GEMIN2: variants seen among roughly 807,000 people sequenced by gnomAD.
GEMIN2 encodes the protein gem-associated protein 2.
In GEMIN2, 37 loss-of-function variants were observed where a neutral mutation model predicts 45.8. That is an observed-to-expected ratio of 0.81 (90% confidence interval 0.62 to 1.06). The LOEUF is 1.06. GEMIN2 is among the 50% of genes least tolerant of loss of function. The pLI is 0.00. For synonymous variants in GEMIN2, 101 were observed against 111.5 expected, an observed-to-expected ratio of 0.91 and a Z score of 0.60; for missense variants, 335 against 321.8, an observed-to-expected ratio of 1.04 and a Z score of -0.31.
intron 6 of GEMIN2, among the ~76,000 whole-genome samples, chr14:39,127,383 C>A (rs1470504756): frequency 1.6e-4 from 19 of 119,716 alleles, no homozygotes; most frequent in African/African-American, 6.0e-4. Flanking sequence ...CACTCTGTTG[C>A]CCAGGCTGGA....
Position 39,118,780 on chromosome 14 carries a change from AT to A in GEMIN2, c.372+201del, listed in dbSNP as rs373341724. ...TGGAAAGTATAGATTTTCATGACAA[AT>A]TTTTTTTTTTTTTTTTTTTGAGACA... is the stretch of plus-strand genomic sequence containing the variant. On this transcript the variant is annotated intron_variant, in intron 4 of 9. Coordinates refer to ENST00000308317, the MANE Select transcript of GEMIN2 (RefSeq NM_003616.3). Among the ~76,000 whole-genome samples the A allele has an allele frequency of 3.5e-3, 488 of 138,698 alleles. 1 individual carries two copies. Among genetic ancestry groups the A allele is most frequent in the Middle Eastern group, 7.4e-3 (2 of 272 alleles). The allele number at this position is 138,698 out of a possible 152,430, so 91.0% of individuals were successfully genotyped here. A position where few individuals can be genotyped will look rare whatever the true frequency, so the allele number is the denominator to read the frequency against.
chr14:39,119,880 C>G (rs1445037847), intron 4 of GEMIN2, among the ~76,000 whole-genome samples: 1 of 152,200 alleles, frequency 6.6e-6, no homozygotes, highest in East Asian at 1.9e-4. Flanking sequence ...CATAAACACA[C>G]AAAAGGTATG....
chr14:39,123,834 C>G (rs1219302498), intron 5 of GEMIN2, among the ~76,000 whole-genome samples: 7 of 148,370 alleles, frequency 4.7e-5, no homozygotes. Flanking sequence ...AATCCTCCCA[C>G]GTCAGCCTTC....
Position 39,114,475 on chromosome 14 carries a change from A to G in GEMIN2, c.137A>G (p.Gln46Arg). ...CCTCAGGAATACCTGAGGCGGGTCC[A>G]GTGAGTGATTCGGCCCTGGGCGGGT... ...RTPQEYLRRV[Q>R]IEAAQCPDVV... Residue 46 changes from glutamine (Q) to arginine (R), a missense_variant and splice_region_variant, in exon 1 of 10, where the codon CAG becomes CGG. Gln to Arg is a conservative substitution (Grantham distance 43). Coordinates refer to ENST00000308317, the MANE Select transcript of GEMIN2 (RefSeq NM_003616.3). 1 of 1,611,052 alleles carries G rather than the reference A, an allele frequency of 6.2e-7. No individual in the cohort carries two copies. Among genetic ancestry groups the G allele is most frequent in the East Asian group, 2.2e-5 (1 of 44,828 alleles).
chr14:39,128,067 CAAAAAAA>C (rs1212260025), intron 6 of GEMIN2, among the ~76,000 whole-genome samples: 2 of 10,552 alleles, frequency 1.9e-4, no homozygotes, highest in Non-Finnish European at 6.5e-4. Context: ...GACTCTATCT[CAAAAAAA>C]AAAAAAAAAA....
intron 6 of GEMIN2, among the ~76,000 whole-genome samples, chr14:39,125,437 T>C (rs180960163): frequency 6.6e-6 from 1 of 152,212 alleles, no homozygotes; most frequent in Admixed American, 6.5e-5. Context: ...AATGGTTCAG[T>C]TTAGGATTCC....
intron 8 of GEMIN2, among the ~76,000 whole-genome samples, chr14:39,132,659 T>C (rs1346161804): frequency 6.9e-6 from 1 of 144,736 alleles, no homozygotes; most frequent in Non-Finnish European, 1.5e-5. Context: ...TGCTGTAGCT[T>C]CAGCCTTTTT....
intron 8 of GEMIN2, among the ~76,000 whole-genome samples, chr14:39,133,231 ATATT>A (rs546477020): frequency 6.1e-4 from 90 of 146,958 alleles, no homozygotes; most frequent in African/African-American, 1.9e-3. Context: ...AGTGATAAAT[ATATT>A]TATTCATATA....
rs1316320671 is a variant in GEMIN2, at chr14:39,133,185, T to TAG, written c.712-475_712-474insGA. The stretch of plus-strand genomic sequence containing the variant: ...ATCCTCACATATATTGTATGCATTA[T>TAG]ATAGAGGAACAATAAGAATCCTGTG... On this transcript the variant is annotated intron_variant, in intron 8 of 9. Coordinates refer to ENST00000308317, the MANE Select transcript of GEMIN2 (RefSeq NM_003616.3). 2.3e-3 allele frequency among the ~76,000 whole-genome samples: 111 copies of TAG among 47,732 alleles called. 1 individual carries two copies. Among genetic ancestry groups the TAG allele is most frequent in the Middle Eastern group, 0.027 (2 of 74 alleles). The allele number at this position is 47,732 out of a possible 152,430, so 31.3% of individuals were successfully genotyped here.
intron 4 of GEMIN2, among the ~76,000 whole-genome samples, chr14:39,121,262 T>C (rs2052569330): frequency 6.6e-6 from 1 of 152,230 alleles, no homozygotes; most frequent in African/African-American, 2.4e-5. Flanking sequence ...CTGGGCACAG[T>C]GGCTCACACT....
rs1164199057 is a variant in GEMIN2 at position 39,115,044 on chromosome 14, T to G, written c.222+131T>G. The stretch of plus-strand genomic sequence containing the variant: ...ACTCCGTGCAAAGTTAGACATTCGC[T>G]TGTACTTTTTCCTTCAGAAAGACAA... On this transcript the variant is annotated intron_variant, in intron 2 of 9. Coordinates refer to ENST00000308317, the MANE Select transcript of GEMIN2 (RefSeq NM_003616.3). 4 of 624,758 alleles carry G rather than the reference T, an allele frequency of 6.4e-6. No homozygotes were observed. The Admixed American group carries it at 1.2e-4, about 18-fold the overall frequency. 38.7% of individuals were successfully genotyped at this position (624,758 alleles called of 1,614,324 possible). A position where few individuals can be genotyped will look rare whatever the true frequency, so the allele number is the denominator to read the frequency against.
chr14:39,114,371 A>G lies in GEMIN2; in HGVS notation c.33A>G (p.Glu11=), dbSNP rs1317804797. ...GGGTACCAGCGGAGTCCGCAGTGGAAGAGTTGATGCCTCGGCTATTGCCGG... is the reference window on the plus strand; with the variant it reads ...GGGTACCAGCGGAGTCCGCAGTGGAGGAGTTGATGCCTCGGCTATTGCCGG... MAWVPAESAV[E]ELMPRLLPVE... is the part of the protein sequence containing the mutation. The change falls in exon 1 of 10, where the codon GAA becomes GAG. Residue 11 remains glutamate, a synonymous_variant. Coordinates refer to ENST00000308317, the MANE Select transcript of GEMIN2 (RefSeq NM_003616.3). 2 of 1,613,752 alleles carry G rather than the reference A, an allele frequency of 1.2e-6. No individual in the cohort carries two copies. Among genetic ancestry groups the G allele is most frequent in the Non-Finnish European group, 1.7e-6 (2 of 1,179,602 alleles).
intron 7 of GEMIN2, among the ~76,000 whole-genome samples, chr14:39,130,894 C>CG (rs892632174): frequency 7.1e-6 from 1 of 140,524 alleles, no homozygotes; most frequent in Non-Finnish European, 1.5e-5. Flanking sequence ...GACTCCATCT[C>CG]GAAAAAAAAA....
At chr14:39,119,783 G>A (rs2052553629) in intron 4 of GEMIN2, among the ~76,000 whole-genome samples, 1 of 152,236 alleles carries the variant, frequency 6.6e-6, no homozygotes, top group Non-Finnish European at 1.5e-5. Flanking sequence ...TCCAGGAAAA[G>A]CGTGAAGGGA....
intron 3 of GEMIN2, among the ~76,000 whole-genome samples, chr14:39,118,310 A>T (rs1228424197): frequency 6.6e-6 from 1 of 152,098 alleles, no homozygotes; most frequent in African/African-American, 2.4e-5. Flanking sequence ...TTTGGGGAAC[A>T]GGTGGTTTTT....
At position 39,127,273 on chromosome 14, in the gene GEMIN2, A is replaced by T. The variant is rs191642434; in HGVS notation, c.532-1007A>T. On this transcript the variant is annotated intron_variant, in intron 6 of 9. Coordinates refer to ENST00000308317, the MANE Select transcript of GEMIN2 (RefSeq NM_003616.3). The stretch of plus-strand genomic sequence containing the variant: ...CCTGGCTAATTTTTGTATTTTTAGT[A>T]GAGACGGGGTTTTGCCGTGTTGGCC... 6.5e-3 allele frequency among the ~76,000 whole-genome samples: 938 copies of T among 143,572 alleles called. 3 individuals are homozygous for T. The highest frequency in any genetic ancestry group is 0.012 in the Non-Finnish European group (776 of 66,108). The allele number at this position is 143,572 out of a possible 152,430, so 94.2% of individuals were successfully genotyped here. A position where few individuals can be genotyped will look rare whatever the true frequency, so the allele number is the denominator to read the frequency against.
chr14:39,131,369 G>A (rs1290979315), intron 7 of GEMIN2, among the ~76,000 whole-genome samples: 4 of 152,246 alleles, frequency 2.6e-5, no homozygotes, highest in Admixed American at 2.0e-4. Context: ...AGTTTGATCT[G>A]GAATGTTGGG....
rs117670655 is a variant in GEMIN2 at position 39,114,353 on chromosome 14, A to T, written c.15A>T (p.Pro5=). 6.2e-7 allele frequency: 1 copy of T among 1,614,000 alleles called. No individual in the cohort carries two copies. The highest frequency in any genetic ancestry group is 8.5e-7 in the Non-Finnish European group (1 of 1,179,876). ...GTTTGAAAACCATGGCGTGGGTACC[A>T]GCGGAGTCCGCAGTGGAAGAGTTGA... MAWV[P]AESAVEELMP... The change falls in exon 1 of 10, where the codon CCA becomes CCT. Residue 5 remains proline (P), a synonymous_variant. Transcript: ENST00000308317.
intron 2 of GEMIN2, among the ~76,000 whole-genome samples, chr14:39,116,981 A>G (rs919102251): frequency 1.3e-5 from 2 of 152,106 alleles, no homozygotes; most frequent in Admixed American, 6.6e-5. Flanking sequence ...CTTTTAGAAA[A>G]CAGAAGTATG....
Sources: allele counts gnomAD v4.1 joint callset (sites outside exome capture counted in the v4.1 genomes callset), GRCh38; gene constraint gnomAD v4.1.1; transcripts MANE v1.5; gene names NCBI Gene and HGNC (gene_info 2026-07-23, HGNC 2026-07-21).